Variants in CCDC191 observed in about 807,000 individuals in gnomAD.
The protein encoded by CCDC191 is coiled-coil domain containing 191, also known as coiled-coil domain-containing protein 191.
A neutral mutation model predicts 114.0 loss-of-function variants in CCDC191; 99 were observed. The observed-to-expected ratio is 0.87, with a 90% CI of 0.74 to 1.03. The LOEUF is 1.03. CCDC191 is among the 50% of genes least tolerant of loss of function. CCDC191 has a pLI of 0.00. For missense variants in CCDC191, 973 were observed against 1,087.0 expected, an observed-to-expected ratio of 0.90 and a Z score of 1.47; for synonymous variants, 351 against 376.0, an observed-to-expected ratio of 0.93 and a Z score of 0.77.
intron 13 of CCDC191, among the ~76,000 whole-genome samples, chr3:113,991,258 A>ACACC (rs2075554883): frequency 8.8e-6 from 1 of 113,862 alleles, no homozygotes; most frequent in African/African-American, 3.2e-5. Flanking sequence ...AAACAAACAA[A>ACACC]CCCCCCCCCC....
chr3:114,024,815 C>T (rs899882511), intron 7 of CCDC191, among the ~76,000 whole-genome samples: 3 of 152,244 alleles, frequency 2.0e-5, no homozygotes, highest in Admixed American at 6.5e-5. Context: ...CAAACCTGCA[C>T]GTTGTGCACA....
chr3:113,979,006 G>T lies in CCDC191; in HGVS notation c.2312C>A (p.Ala771Glu). Residue 771 changes from alanine to glutamate, a missense_variant, in exon 15 of 17, where the codon GCA becomes GAA. Transcript: ENST00000295878. ...CAGGAACAAAGAGTAATGTTCTTCT[G>T]CCACCTGGACAATTTTTTAAATGAG... ...RMQSKQNIQVAEEHYSLFLQR... is the reference protein window; with the variant it reads ...RMQSKQNIQVEEEHYSLFLQR... 1 of 1,612,984 alleles carries T rather than the reference G, an allele frequency of 6.2e-7. No homozygotes were observed. Among genetic ancestry groups the T allele is most frequent in the South Asian group, 1.1e-5 (1 of 90,974 alleles).
chr3:114,011,261 C>T (rs324555), intron 8 of CCDC191, among the ~76,000 whole-genome samples: 36,300 of 151,868 alleles, frequency 0.24, 4,776 homozygotes, highest in Middle Eastern at 0.37. Flanking sequence ...CTGTTCTGTT[C>T]TCATGTCACA....
chr3:113,991,245 G>A (rs73230271), intron 13 of CCDC191, among the ~76,000 whole-genome samples: 225 of 122,706 alleles, frequency 1.8e-3, no homozygotes, highest in Middle Eastern at 4.1e-3. Context: ...AAAAAAAAAA[G>A]AAAAACAAAC....
intron 13 of CCDC191, among the ~76,000 whole-genome samples, chr3:113,993,615 C>T (rs533738738): frequency 1.1e-3 from 163 of 152,218 alleles, no homozygotes; most frequent in Non-Finnish European, 2.0e-3. Context: ...CATGGTGGCT[C>T]ATGCCTGTAA....
At chr3:114,010,472 G>C (rs2107679887) in intron 9 of CCDC191, among the ~76,000 whole-genome samples, 1 of 152,264 alleles carries the variant, frequency 6.6e-6, no homozygotes, top group East Asian at 1.9e-4. Context: ...TCAAAAAGGG[G>C]AGTTCAAGAG....
In CCDC191 at chr3:114,018,793, G is replaced by A; in HGVS notation, c.1048C>T (p.Leu350=). ...HRIKLGKAGT[L]SDWKIQLKVL... ...TTCAGCTGAATCTTCCAGTCAGACA[G>A]GGTCCCAGCTTTCCCCAGCTTAATC... Residue 350 remains leucine (L), a synonymous_variant, in exon 8 of 17, where the codon CTG becomes TTG. Coordinates refer to ENST00000295878, the MANE Select transcript of CCDC191 (RefSeq NM_020817.2). 6.2e-7 allele frequency: 1 copy of A among 1,613,946 alleles called. No homozygotes were observed. The highest frequency in any genetic ancestry group is 1.1e-5 in the South Asian group (1 of 91,080).
chr3:114,041,042 A>G (rs1489721793), intron 4 of CCDC191, among the ~76,000 whole-genome samples: 3 of 151,958 alleles, frequency 2.0e-5, no homozygotes, highest in Admixed American at 2.0e-4. Flanking sequence ...AAAAAACTCT[A>G]CCAGCATACG....
chr3:114,006,170 C>T lies in CCDC191; in HGVS notation c.1414-208G>A, dbSNP rs573082724. 4.3e-3 allele frequency: 2,814 copies of T among 649,030 alleles called. 36 individuals carry two copies. Among genetic ancestry groups the T allele is most frequent in the South Asian group, 0.023 (1,404 of 60,410 alleles). 40.2% of individuals were successfully genotyped at this position (649,030 alleles called of 1,614,324 possible). A position where few individuals can be genotyped will look rare whatever the true frequency, so the allele number is the denominator to read the frequency against. ...TCACCATGAAAACTGGGAGAGTGGC[C>T]GGCTGTGGTGGCTCATGCCTGTAAT... is the stretch of plus-strand genomic sequence containing the variant. On this transcript the variant is annotated intron_variant, in intron 9 of 16. Coordinates refer to ENST00000295878, the MANE Select transcript of CCDC191 (RefSeq NM_020817.2).
intron 7 of CCDC191, among the ~76,000 whole-genome samples, chr3:114,026,481 GT>G (rs2076322624): frequency 2.0e-5 from 3 of 152,100 alleles, no homozygotes; most frequent in African/African-American, 7.2e-5. Flanking sequence ...TTTTTCTGTC[GT>G]TTTATTTCTA....
chr3:114,019,264 G>A lies in CCDC191; in HGVS notation c.973-396C>T, dbSNP rs117774533. Among the ~76,000 whole-genome samples, 195 of 152,234 alleles carry A rather than the reference G, an allele frequency of 1.3e-3. 2 individuals carry two copies. Among genetic ancestry groups the A allele is most frequent in the East Asian group, 9.7e-3 (50 of 5,172 alleles). On this transcript the variant is annotated intron_variant, in intron 7 of 16. Transcript: ENST00000295878. Reference sequence around the variant, plus strand: ...AATACCAACCATTTAATTCACTACCGTTTCTGACACACTAGTGTCCACACA... The same window carrying A: ...AATACCAACCATTTAATTCACTACCATTTCTGACACACTAGTGTCCACACA...
At chr3:114,051,936 A>G (rs187694266) in intron 2 of CCDC191, among the ~76,000 whole-genome samples, 1 of 152,366 alleles carries the variant, frequency 6.6e-6, no homozygotes, top group Admixed American at 6.5e-5. Flanking sequence ...AATGGTAACT[A>G]TGTCAATGTA....
At chr3:114,037,982 C>T (rs551523153) in intron 4 of CCDC191, among the ~76,000 whole-genome samples, 5 of 152,074 alleles carry the variant, frequency 3.3e-5, no homozygotes, top group African/African-American at 7.2e-5. Context: ...AGGAGTGGAA[C>T]GATTGGATCA....
chr3:114,047,925 A>C (rs1476557548), intron 2 of CCDC191, among the ~76,000 whole-genome samples: 4 of 152,080 alleles, frequency 2.6e-5, no homozygotes, highest in Non-Finnish European at 5.9e-5. Flanking sequence ...CAGTGAGCTG[A>C]GATTGTGCCA....
At chr3:113,986,562 A>G (rs1372885227) in intron 13 of CCDC191, among the ~76,000 whole-genome samples, 2 of 152,162 alleles carry the variant, frequency 1.3e-5, no homozygotes, top group Admixed American at 6.5e-5. Context: ...ACAAAGAAAA[A>G]GTCTTGAAGG....
At chr3:113,984,278 T>C (rs1421059179) in intron 13 of CCDC191, 1 of 152,150 alleles carries the variant, frequency 6.6e-6, no homozygotes, top group Non-Finnish European at 1.5e-5. Flanking sequence ...TTGGACAATT[T>C]GCTGGTACAC....
chr3:114,011,641 T>A lies in CCDC191; in HGVS notation c.1164-620A>T, dbSNP rs950503358. 4.6e-5 allele frequency among the ~76,000 whole-genome samples: 7 copies of A among 152,304 alleles called. No individual in the cohort carries two copies. In the South Asian group the frequency reaches 6.2e-4, roughly 14 times the overall value. ...AAGAAGGTACTTGCTAAGCACTAGA[T>A]GTGTAAAGGGCAAAGGCAAGGCCCC... On this transcript the variant is annotated intron_variant, in intron 8 of 16. Transcript: ENST00000295878.
intron 5 of CCDC191, among the ~76,000 whole-genome samples, chr3:114,035,989 G>A (rs2076477329): frequency 6.6e-6 from 1 of 152,166 alleles, no homozygotes; most frequent in Non-Finnish European, 1.5e-5. Flanking sequence ...GTTATACAAA[G>A]ATGGCACACA....
At chr3:114,026,480 C>T (rs866808726) in intron 7 of CCDC191, among the ~76,000 whole-genome samples, 4 of 152,280 alleles carry the variant, frequency 2.6e-5, no homozygotes, top group Middle Eastern at 3.4e-3. Context: ...CTTTTTCTGT[C>T]GTTTTATTTC....
Sources: gnomAD v4.1 joint callset for allele counts (sites outside exome capture counted in the v4.1 genomes callset) on GRCh38, gnomAD v4.1.1 for gene constraint, MANE v1.5 for transcripts, NCBI Gene and HGNC (gene_info 2026-07-23, HGNC 2026-07-21) for gene names.